The following CDC5L variants were observed in gnomAD, a reference collection of about 807,000 sequenced individuals.
CDC5L encodes cell division cycle 5-like protein.
A neutral mutation model predicts 104.1 loss-of-function variants in CDC5L; 18 were observed. That is an observed-to-expected ratio of 0.17 (90% CI 0.12 to 0.26). CDC5L has a LOEUF of 0.26. CDC5L is among the 10% of genes least tolerant of loss of function. The probability of loss-of-function intolerance (pLI) is 1.00; values close to 1 mark genes in which losing one functional copy is unlikely to be tolerated. For missense variants in CDC5L, 673 were observed against 956.9 expected (o/e 0.70, Z 3.91); for synonymous variants, 331 against 322.7 (o/e 1.03, Z -0.28).
At position 44,446,888 on chromosome 6, in the gene CDC5L, G is replaced by A. The variant is rs1793476182; in HGVS notation, c.*177G>A. On this transcript the variant is annotated 3_prime_UTR_variant, in exon 16 of 16. Transcript: ENST00000371477. Reference sequence around the variant, plus strand: ...GTGTATAAAGACCTTAACTCCACAGGACGGACATTTTAGAGTTTAAATTAT... The same window carrying A: ...GTGTATAAAGACCTTAACTCCACAGAACGGACATTTTAGAGTTTAAATTAT... The A allele has an allele frequency of 5.2e-6, 2 of 387,210 alleles. No individual in the cohort carries two copies. The highest frequency in any genetic ancestry group is 4.1e-5 in the African/African-American group (2 of 48,228). The allele number at this position is 387,210 out of a possible 1,614,324, so 24.0% of individuals were successfully genotyped here.
intron 13 of CDC5L, among the ~76,000 whole-genome samples, chr6:44,426,947 C>T (rs1581656836): frequency 1.3e-5 from 2 of 152,266 alleles, no homozygotes; most frequent in South Asian, 4.2e-4. Context: ...TAAACACCGC[C>T]AGGGTGTTTT....
chr6:44,407,883 A>G (rs1791444977), intron 7 of CDC5L, among the ~76,000 whole-genome samples: 1 of 152,186 alleles, frequency 6.6e-6, no homozygotes, highest in Non-Finnish European at 1.5e-5. Context: ...TTTTGGTAAA[A>G]TTACTAACAC....
chr6:44,400,401 T>G (rs1791066138), intron 5 of CDC5L, among the ~76,000 whole-genome samples: 1 of 152,204 alleles, frequency 6.6e-6, no homozygotes, highest in African/African-American at 2.4e-5. Flanking sequence ...TTATTTTATG[T>G]TTTTGAGACG....
At chr6:44,441,049 C>T (rs761656551) in intron 14 of CDC5L, among the ~76,000 whole-genome samples, 4 of 152,190 alleles carry the variant, frequency 2.6e-5, no homozygotes, top group Non-Finnish European at 5.9e-5. Context: ...AAACATGATT[C>T]TGTGATTACC....
At chr6:44,393,413 T>C in intron 3 of CDC5L, 33 bp from the exon 4 acceptor site, 1 of 1,604,316 alleles carries the variant, frequency 6.2e-7, no homozygotes, top group Non-Finnish European at 8.5e-7. Context: ...AATGGTACTG[T>C]AGTGTGACTA....
intron 8 of CDC5L, among the ~76,000 whole-genome samples, chr6:44,410,002 A>G (rs1469031932): frequency 6.6e-6 from 1 of 151,738 alleles, no homozygotes; most frequent in East Asian, 1.9e-4. Context: ...ATGTTTTGAT[A>G]TATGTATACC....
rs776484259 is a variant in CDC5L at position 44,408,581 on chromosome 6, C to T, written c.1041C>T (p.Ser347=). The change falls in exon 8 of 16, where the codon AGC becomes AGT. Residue 347 remains serine, a synonymous_variant. Coordinates refer to ENST00000371477, the MANE Select transcript of CDC5L (RefSeq NM_001253.4). ...CTGAGTACAATGTCACCAACAACAG[C>T]GTTGCTCTTAGAACACCACGAACAC... ...LLSEYNVTNN[S]VALRTPRTPA... 4.3e-6 allele frequency: 7 copies of T among 1,613,052 alleles called. No individual in the cohort carries two copies. The highest frequency in any genetic ancestry group is 1.3e-5 in the African/African-American group (1 of 74,908).
At chr6:44,427,196 T>C (rs1353493981) in intron 13 of CDC5L, among the ~76,000 whole-genome samples, 1 of 152,212 alleles carries the variant, frequency 6.6e-6, no homozygotes, top group African/African-American at 2.4e-5. Context: ...GATTTCCCCC[T>C]ACTCTTTTGG....
At position 44,445,693 on chromosome 6, in the gene CDC5L, T is replaced by G. The variant is rs1171145444; in HGVS notation, c.2130T>G (p.Ala710=). 1 of 1,614,064 alleles carries G rather than the reference T, an allele frequency of 6.2e-7. No individual in the cohort carries two copies. The highest frequency in any genetic ancestry group is 1.7e-5 in the Admixed American group (1 of 59,984). ...ACATGACGACAGAAGCCAAGAGGGC[T>G]GCAAAGATGGAAAAGAAGATGAAAA... ...RGHMTTEAKR[A]AKMEKKMKIL... Residue 710 remains alanine, a synonymous_variant, in exon 15 of 16, where the codon GCT becomes GCG. Coordinates refer to ENST00000371477, the MANE Select transcript of CDC5L (RefSeq NM_001253.4).
chr6:44,426,994 T>TA (rs1792453281), intron 13 of CDC5L, among the ~76,000 whole-genome samples: 1 of 152,210 alleles, frequency 6.6e-6, no homozygotes, highest in Middle Eastern at 3.2e-3. Flanking sequence ...TGACAGTTGT[T>TA]ACAGTTGCCG....
chr6:44,390,465 C>A, intron 2 of CDC5L, 94 bp downstream of exon 2: 1 of 791,496 alleles, frequency 1.3e-6, no homozygotes, highest in Admixed American at 2.6e-5. Flanking sequence ...AGAAAGCAGA[C>A]ATTGTAATAT....
intron 14 of CDC5L, among the ~76,000 whole-genome samples, chr6:44,438,895 A>G (rs1384482962): frequency 6.6e-6 from 1 of 152,068 alleles, no homozygotes; most frequent in African/African-American, 2.4e-5. Context: ...CATAAAGTTA[A>G]GACAATTTAA....
At chr6:44,395,110 G>C (rs1790811081) in intron 4 of CDC5L, among the ~76,000 whole-genome samples, 1 of 152,146 alleles carries the variant, frequency 6.6e-6, no homozygotes, top group Non-Finnish European at 1.5e-5. Context: ...CCAGAGGCTG[G>C]GTATGGTGTG....
At chr6:44,406,139 T>C (rs1791355162) in intron 6 of CDC5L, among the ~76,000 whole-genome samples, 184 bp from the exon 7 acceptor site, 1 of 152,152 alleles carries the variant, frequency 6.6e-6, no homozygotes, top group Non-Finnish European at 1.5e-5. Context: ...TGACCTCAGG[T>C]AATCCACCCA....
intron 9 of CDC5L, among the ~76,000 whole-genome samples, chr6:44,421,330 C>T (rs1377723160): frequency 1.3e-5 from 2 of 152,106 alleles, no homozygotes; most frequent in African/African-American, 4.8e-5. Flanking sequence ...CTTTAAAATA[C>T]AAATGTTATG....
At chr6:44,438,957 T>C (rs550814375) in intron 14 of CDC5L, among the ~76,000 whole-genome samples, 2 of 152,294 alleles carry the variant, frequency 1.3e-5, no homozygotes, top group East Asian at 1.9e-4. Flanking sequence ...GCAACCATTA[T>C]TGGAACATTT....
intron 13 of CDC5L, among the ~76,000 whole-genome samples, chr6:44,428,189 CTG>C (rs1399292776): frequency 6.6e-6 from 1 of 152,062 alleles, no homozygotes. Context: ...TTTTAATAAA[CTG>C]TCAGATTTTC....
rs1311592947 is a variant in CDC5L at position 44,445,601 on chromosome 6, T to C, written c.2092-54T>C. The C allele has an allele frequency of 1.0e-5, 14 of 1,344,746 alleles. No homozygotes were observed. The South Asian group carries it at 1.4e-4, about 14-fold the overall frequency. 83.3% of individuals were successfully genotyped at this position (1,344,746 alleles called of 1,614,324 possible). A position where few individuals can be genotyped will look rare whatever the true frequency, so the allele number is the denominator to read the frequency against. ...GCATGGTACCTTTTTAGCCCTGTTA[T>C]TTAATAGCCTGCTTTTCTCATGTAT... On this transcript the variant is annotated intron_variant, in intron 14 of 15. Transcript: ENST00000371477.
intron 1 of CDC5L, 81 bp downstream of exon 1, chr6:44,387,949 G>C: frequency 7.4e-7 from 1 of 1,355,828 alleles, no homozygotes; most frequent in East Asian, 2.5e-5. Context: ...TCGGGGGGGC[G>C]ACGAGGAGAC....
Sources: allele counts gnomAD v4.1 joint callset (sites outside exome capture counted in the v4.1 genomes callset), GRCh38; gene constraint gnomAD v4.1.1; transcripts MANE v1.5; gene names NCBI Gene and HGNC (gene_info 2026-07-23, HGNC 2026-07-21).